The following LPP variants were observed in gnomAD, a reference collection of about 807,000 sequenced individuals.
LPP encodes lipoma-preferred partner.
Under a neutral mutation model 60.4 loss-of-function variants are expected in LPP, and 38 were observed. The ratio of observed to expected loss-of-function variants is 0.63; its 90% CI spans 0.49 to 0.83. LPP has a LOEUF of 0.83. LPP is among the 40% of genes least tolerant of loss of function. The probability of loss-of-function intolerance (pLI) is 0.00; values close to 1 mark genes in which losing one functional copy is unlikely to be tolerated. For synonymous variants in LPP, 328 were observed against 290.8 expected (o/e 1.13, Z -1.30); for missense variants, 902 against 783.6 (o/e 1.15, Z -1.80).
chr3:188,857,339 T>C (rs561322954), intron 9 of LPP, among the ~76,000 whole-genome samples: 1 of 152,226 alleles, frequency 6.6e-6, no homozygotes, highest in Non-Finnish European at 1.5e-5. Context: ...TCTGAGAAAC[T>C]TGTTAATTGG....
intron 8 of LPP, chr3:188,743,735 CTGCT>C (rs138873819): frequency 0.011 from 1,626 of 152,128 alleles, 29 homozygotes; most frequent in African/African-American, 0.034. Context: ...CCCAACCACT[CTGCT>C]TGAATGTCTC....
chr3:188,459,333 A>T (rs1798467007), intron 4 of LPP, among the ~76,000 whole-genome samples: 1 of 152,150 alleles, frequency 6.6e-6, no homozygotes, highest in African/African-American at 2.4e-5. Context: ...GCCCAGAAAA[A>T]CAGGAGAGAG....
At chr3:188,179,684 C>T in intron 1 of LPP, 1 of 359,966 alleles carries the variant, frequency 2.8e-6, no homozygotes, top group Non-Finnish European at 5.5e-6. Flanking sequence ...AGTCTCTTGT[C>T]TGCTCCAAAA....
At chr3:188,687,775 C>CTTTTTT (rs61574227) in intron 7 of LPP, among the ~76,000 whole-genome samples, 3,355 of 126,872 alleles carry the variant, frequency 0.026, 167 homozygotes, top group African/African-American at 0.094. Flanking sequence ...GTCTTATACT[C>CTTTTTT]TTTTTTTTTT....
chr3:188,730,912 C>A (rs1720221351), intron 8 of LPP, among the ~76,000 whole-genome samples: 1 of 152,192 alleles, frequency 6.6e-6, no homozygotes, highest in Non-Finnish European at 1.5e-5. Flanking sequence ...CACCTCTGAC[C>A]ATTTTTTTCA....
Position 188,877,753 on chromosome 3 carries a change from A to C in LPP, c.*3274A>C, listed in dbSNP as rs1031068127. 2.4e-5 allele frequency: 5 copies of C among 206,522 alleles called. No homozygotes were observed. Among genetic ancestry groups the C allele is most frequent in the African/African-American group, 1.1e-4 (5 of 43,866 alleles). 12.8% of individuals were successfully genotyped at this position (206,522 alleles called of 1,614,324 possible). The stretch of plus-strand genomic sequence containing the variant: ...ATGCGCTTGTTTAAAAAAACAAATA[A>C]ATAAATAATCGACTCAAAAATAAGT... On this transcript the variant is annotated 3_prime_UTR_variant, in exon 12 of 12. Transcript: ENST00000617246.
At chr3:188,167,810 T>C (rs1370940016) in intron 1 of LPP, among the ~76,000 whole-genome samples, 1 of 152,228 alleles carries the variant, frequency 6.6e-6, no homozygotes, top group East Asian at 1.9e-4. Context: ...AGAAAGACTA[T>C]TGACTTGCAC....
intron 3 of LPP, among the ~76,000 whole-genome samples, chr3:188,387,899 T>C (rs1048616819): frequency 1.4e-5 from 2 of 142,822 alleles, no homozygotes; most frequent in African/African-American, 5.1e-5. Context: ...TTTCTATCTA[T>C]TGATGACTTG....
chr3:188,352,328 C>T lies in LPP; in HGVS notation c.-10+10609C>T, dbSNP rs1766098680. Among the ~76,000 whole-genome samples the T allele has an allele frequency of 6.6e-6, 1 of 152,192 alleles. No homozygotes were observed. Among genetic ancestry groups the T allele is most frequent in the Non-Finnish European group, 1.5e-5 (1 of 68,036 alleles). ...CGCACACGTATTGGCTGCTTTTTCT[C>T]CCCACCTTTGGCAGCTTGTGAGCGG... On this transcript the variant is annotated intron_variant, in intron 3 of 11. Coordinates refer to ENST00000617246, the MANE Select transcript of LPP (RefSeq NM_001375462.1). This position sits in a 1 kb window ranked among gnomAD's most constrained non-coding sequence, Gnocchi z 4.4.
At chr3:188,867,584 C>A (rs954528263) in intron 10 of LPP, among the ~76,000 whole-genome samples, 1 of 152,036 alleles carries the variant, frequency 6.6e-6, no homozygotes, top group Admixed American at 6.6e-5. Context: ...CCTCAAGTGA[C>A]CCACCTGCCT....
intron 6 of LPP, among the ~76,000 whole-genome samples, chr3:188,529,627 A>G: frequency 6.6e-6 from 1 of 152,182 alleles, no homozygotes; most frequent in East Asian, 1.9e-4. Flanking sequence ...TCCGCTCCCA[A>G]ATTTTCTGAC....
intron 5 of LPP, among the ~76,000 whole-genome samples, chr3:188,492,122 G>C (rs1490935683): frequency 2.6e-5 from 4 of 152,166 alleles, no homozygotes; most frequent in Non-Finnish European, 5.9e-5. Flanking sequence ...ATTGATGGTG[G>C]TTAGTTCTGT....
chr3:188,545,349 G>A (rs1826337301), intron 6 of LPP, among the ~76,000 whole-genome samples: 2 of 151,494 alleles, frequency 1.3e-5, no homozygotes. Flanking sequence ...TTATTAATGT[G>A]TAGGTTGAGG....
intron 9 of LPP, among the ~76,000 whole-genome samples, chr3:188,789,541 A>G (rs527242330): frequency 3.6e-4 from 55 of 152,344 alleles, no homozygotes; most frequent in African/African-American, 1.3e-3. Context: ...ACATTCACGT[A>G]AATAAATCTT....
intron 2 of LPP, among the ~76,000 whole-genome samples, chr3:188,269,947 C>T (rs1015593928): frequency 6.6e-6 from 1 of 152,052 alleles, no homozygotes; most frequent in Non-Finnish European, 1.5e-5. Context: ...TACACCTGGC[C>T]GTGCCTTGTT....
At chr3:188,623,284 G>T (rs1259833625) in intron 7 of LPP, among the ~76,000 whole-genome samples, 1 of 143,524 alleles carries the variant, frequency 7.0e-6, no homozygotes, top group East Asian at 2.1e-4. Flanking sequence ...TTGAAAGAGA[G>T]CGTCACTCTA....
At chr3:188,278,083 G>A (rs1211262567) in intron 2 of LPP, among the ~76,000 whole-genome samples, 5 of 152,018 alleles carry the variant, frequency 3.3e-5, no homozygotes, top group Admixed American at 3.3e-4. Context: ...TATTACACAC[G>A]TACTATGTTC....
intron 4 of LPP, among the ~76,000 whole-genome samples, chr3:188,474,447 G>C (rs1418750349): frequency 9.2e-6 from 1 of 109,246 alleles, no homozygotes; most frequent in African/African-American, 3.1e-5. Flanking sequence ...TATAGCCAAA[G>C]ACAGCAGTGG....
chr3:188,599,424 T>C (rs1248134840), intron 6 of LPP, among the ~76,000 whole-genome samples: 3 of 152,118 alleles, frequency 2.0e-5, no homozygotes, highest in Non-Finnish European at 2.9e-5. Flanking sequence ...GTGCTCCTAA[T>C]TGACTTGATT....
Sources: allele counts gnomAD v4.1 joint callset (sites outside exome capture counted in the v4.1 genomes callset), GRCh38; gene constraint gnomAD v4.1.1; non-coding constraint Gnocchi (gnomAD v3.1); transcripts MANE v1.5; gene names NCBI Gene and HGNC (gene_info 2026-07-23, HGNC 2026-07-21).